The following COL8A1 variants were observed in gnomAD, a reference collection of about 807,000 sequenced individuals.
COL8A1 encodes the protein collagen alpha-1(VIII) chain.
A neutral mutation model predicts 42.7 loss-of-function variants in COL8A1; 21 were observed. The ratio of observed to expected loss-of-function variants is 0.49; its 90% confidence interval spans 0.35 to 0.71. COL8A1 has a LOEUF of 0.71. Ranked by LOEUF, COL8A1 falls within the 30% of genes least tolerant of loss-of-function variation. The pLI is 0.01. For synonymous variants in COL8A1, 367 were observed against 369.1 expected (o/e 0.99, Z 0.06); for missense variants, 788 against 962.4 (o/e 0.82, Z 2.40).
chr3:99,755,016 C>T (rs1229854000), intron 2 of COL8A1, among the ~76,000 whole-genome samples: 1 of 152,100 alleles, frequency 6.6e-6, no homozygotes, highest in Non-Finnish European at 1.5e-5. Flanking sequence ...CTATCAGTAC[C>T]TCATTTTAGT....
intron 1 of COL8A1, chr3:99,680,585 T>C (rs1451698738): frequency 1.3e-5 from 2 of 152,190 alleles, no homozygotes; most frequent in Non-Finnish European, 2.9e-5. Flanking sequence ...TCTTCCACAA[T>C]GGTTGAGCTA....
rs114212178 is a variant in COL8A1 at position 99,684,605 on chromosome 3, C to T, written c.-129+45941C>T. Among the ~76,000 whole-genome samples, 1,232 of 152,306 alleles carry T rather than the reference C, an allele frequency of 8.1e-3. 9 individuals are homozygous for T. Among genetic ancestry groups the T allele is most frequent in the Non-Finnish European group, 0.013 (854 of 68,032 alleles). On this transcript the variant is annotated intron_variant, in intron 1 of 3. Transcript: ENST00000652472. ...GCTGAAATGGACAGTAGTCAGATCT[C>T]AATAACCCGTTTCCCATTGCTATTT...
At chr3:99,769,322 CCT>C (rs916168803) in intron 2 of COL8A1, among the ~76,000 whole-genome samples, 13 of 152,204 alleles carry the variant, frequency 8.5e-5, no homozygotes, top group Admixed American at 8.5e-4. Context: ...GGGGCTAACC[CCT>C]GACATAGACT....
intron 1 of COL8A1, among the ~76,000 whole-genome samples, chr3:99,731,437 T>C (rs1265820880): frequency 6.6e-6 from 1 of 151,906 alleles, no homozygotes; most frequent in Non-Finnish European, 1.5e-5. Flanking sequence ...GGGTGGAGGA[T>C]AAGAAGGGAG....
At chr3:99,725,280 A>G (rs1266493771) in intron 1 of COL8A1, among the ~76,000 whole-genome samples, 3 of 152,042 alleles carry the variant, frequency 2.0e-5, no homozygotes, top group Non-Finnish European at 4.4e-5. Flanking sequence ...CTGCCATAAG[A>G]AAGTTCTTCT....
At chr3:99,659,894 T>G (rs920213785) in intron 1 of COL8A1, among the ~76,000 whole-genome samples, 3 of 152,210 alleles carry the variant, frequency 2.0e-5, no homozygotes, top group African/African-American at 7.2e-5. Flanking sequence ...TTAAATTCCC[T>G]ATGAACCAGA....
intron 2 of COL8A1, among the ~76,000 whole-genome samples, chr3:99,790,232 G>T (rs914085877): frequency 4.6e-5 from 7 of 152,290 alleles, no homozygotes; most frequent in African/African-American, 1.4e-4. Flanking sequence ...CAGCAATCCA[G>T]CCAGAAGGAA....
intron 1 of COL8A1, among the ~76,000 whole-genome samples, chr3:99,715,961 C>G (rs138165115): frequency 6.6e-6 from 1 of 152,052 alleles, no homozygotes; most frequent in Admixed American, 6.6e-5. Flanking sequence ...AAAGGTCTTA[C>G]GCCTTCACTC....
At chr3:99,643,984 G>A (rs953171221) in intron 1 of COL8A1, among the ~76,000 whole-genome samples, 1 of 152,188 alleles carries the variant, frequency 6.6e-6, no homozygotes, top group African/African-American at 2.4e-5. Context: ...GTGTAGGTAT[G>A]AGATTTGTTG....
chr3:99,758,667 A>G (rs559530100), intron 2 of COL8A1, among the ~76,000 whole-genome samples: 3 of 152,196 alleles, frequency 2.0e-5, no homozygotes, highest in Non-Finnish European at 4.4e-5. Flanking sequence ...ATCACGTTCC[A>G]TGTAGAGAAG....
intron 1 of COL8A1, among the ~76,000 whole-genome samples, chr3:99,742,596 G>C (rs1490105564): frequency 1.3e-5 from 2 of 152,192 alleles, no homozygotes; most frequent in South Asian, 2.1e-4. Context: ...ATCATAGAGA[G>C]AAAAGAACCT....
intron 2 of COL8A1, 24 bp from the exon 3 acceptor site, chr3:99,790,656 T>G: frequency 6.2e-7 from 1 of 1,601,152 alleles, no homozygotes; most frequent in Non-Finnish European, 8.5e-7. Flanking sequence ...TTTCACCAAG[T>G]TGGTGCATTG....
intron 2 of COL8A1, among the ~76,000 whole-genome samples, chr3:99,769,029 G>A (rs1447347073): frequency 2.6e-5 from 4 of 152,192 alleles, no homozygotes; most frequent in Admixed American, 2.0e-4. Context: ...GGTTGCTTTT[G>A]TGGTGCCTGT....
At chr3:99,697,441 A>G (rs2107342424) in intron 1 of COL8A1, among the ~76,000 whole-genome samples, 1 of 152,364 alleles carries the variant, frequency 6.6e-6, no homozygotes, top group South Asian at 2.1e-4. Flanking sequence ...ACTCAGAATT[A>G]AATTAGTCAG....
intron 1 of COL8A1, among the ~76,000 whole-genome samples, chr3:99,642,486 A>G (rs547472826): frequency 3.5e-4 from 53 of 152,344 alleles, no homozygotes; most frequent in African/African-American, 1.2e-3. Context: ...TAACTTCTCA[A>G]TGTAGGATAA....
At chr3:99,751,219 C>T (rs1282648356) in intron 2 of COL8A1, among the ~76,000 whole-genome samples, 2 of 152,116 alleles carry the variant, frequency 1.3e-5, no homozygotes, top group African/African-American at 4.8e-5. Context: ...AGATTACCTC[C>T]TCCAATGCCA....
intron 1 of COL8A1, among the ~76,000 whole-genome samples, chr3:99,729,332 C>G (rs1940431890): frequency 6.6e-6 from 1 of 151,978 alleles, no homozygotes; most frequent in Non-Finnish European, 1.5e-5. Flanking sequence ...CTAATAGAAT[C>G]CAAAGATTTC....
intron 3 of COL8A1, among the ~76,000 whole-genome samples, chr3:99,793,436 T>TACACAC (rs66839546): frequency 2.0e-5 from 3 of 149,454 alleles, no homozygotes; most frequent in East Asian, 2.0e-4. Flanking sequence ...TTGTTTAAAA[T>TACACAC]ACACACACAC....
At chr3:99,755,432 T>C (rs999056214) in intron 2 of COL8A1, among the ~76,000 whole-genome samples, 1 of 152,178 alleles carries the variant, frequency 6.6e-6, no homozygotes, top group African/African-American at 2.4e-5. Context: ...GCTGGCACTG[T>C]TTTAGGTTGG....
Sources: allele counts gnomAD v4.1 joint callset (sites outside exome capture counted in the v4.1 genomes callset), GRCh38; gene constraint gnomAD v4.1.1; transcripts MANE v1.5; gene names NCBI Gene and HGNC (gene_info 2026-07-23, HGNC 2026-07-21).